MAP7: variants seen among roughly 807,000 people sequenced by gnomAD.
The protein encoded by MAP7 is microtubule associated protein 7, also known as ensconsin.
Under a neutral mutation model 94.8 loss-of-function variants are expected in MAP7, and 52 were observed. The ratio of observed to expected loss-of-function variants is 0.55; its 90% CI spans 0.44 to 0.69. The LOEUF is 0.69. Ranked by LOEUF, MAP7 falls within the 30% of genes least tolerant of loss-of-function variation. The probability of loss-of-function intolerance (pLI) is 0.00; values close to 1 mark genes in which losing one functional copy is unlikely to be tolerated. For synonymous variants in MAP7, 350 were observed against 357.0 expected (o/e 0.98, Z 0.22); for missense variants, 940 against 964.6 (o/e 0.97, Z 0.34).
intron 1 of MAP7, among the ~76,000 whole-genome samples, chr6:136,444,179 G>A (rs1218105807): frequency 3.9e-5 from 6 of 152,240 alleles, no homozygotes; most frequent in Non-Finnish European, 7.4e-5. Flanking sequence ...AATGAGCTTC[G>A]GAGCCATGGA....
chr6:136,378,293 C>T (rs1288467614), intron 6 of MAP7, among the ~76,000 whole-genome samples: 3 of 151,974 alleles, frequency 2.0e-5, no homozygotes, highest in Admixed American at 6.6e-5. Context: ...AATAATAAAC[C>T]CCAATAGAGG....
In MAP7 at chr6:136,544,888, A is replaced by G. The variant is rs58104898; in HGVS notation, c.67+5454T>C. On this transcript the variant is annotated intron_variant, in intron 1 of 17. Transcript: ENST00000354570. Reference sequence around the variant, plus strand: ...GCCGGGAGGATCACTTGAGCCCAGGAGTTCAAGTCCAGCCCAGGCAACATA... The same window carrying G: ...GCCGGGAGGATCACTTGAGCCCAGGGGTTCAAGTCCAGCCCAGGCAACATA... 0.012 allele frequency among the ~76,000 whole-genome samples: 1,812 copies of G among 152,264 alleles called. 85 individuals carry two copies. The East Asian group carries it at 0.14, about 11-fold the overall frequency.
intron 1 of MAP7, among the ~76,000 whole-genome samples, chr6:136,443,449 C>CTTT (rs149514831): frequency 1.2e-4 from 12 of 99,940 alleles, no homozygotes; most frequent in African/African-American, 3.3e-4. Flanking sequence ...TCCCCTTCTA[C>CTTT]TTTTTTTTTT....
intron 1 of MAP7, among the ~76,000 whole-genome samples, chr6:136,537,141 CTTTCT>C (rs1352366165): frequency 2.7e-5 from 4 of 148,904 alleles, no homozygotes; most frequent in Admixed American, 6.7e-5. Context: ...GAAACTTTCT[CTTTCT>C]TTTTTTTTTT....
chr6:136,459,284 C>A (rs563295820), intron 1 of MAP7, among the ~76,000 whole-genome samples: 5 of 152,182 alleles, frequency 3.3e-5, no homozygotes, highest in Non-Finnish European at 5.9e-5. Flanking sequence ...TATGGAGGAA[C>A]TGGTACCCTT....
chr6:136,431,851 C>T (rs1455621319), intron 1 of MAP7, among the ~76,000 whole-genome samples: 1 of 152,136 alleles, frequency 6.6e-6, no homozygotes, highest in Non-Finnish European at 1.5e-5. Flanking sequence ...CCCTCATTGG[C>T]CACTGGACAC....
In MAP7 at chr6:136,544,226, C is replaced by T. The variant is rs574857977; in HGVS notation, c.67+6116G>A. On this transcript the variant is annotated intron_variant, in intron 1 of 17. Coordinates refer to ENST00000354570, the MANE Select transcript of MAP7 (RefSeq NM_003980.6). ...CATGAGCCACCGCACCTGGACTGTA[C>T]GCAAATTTTAGAATAGATTTTTTAA... 9.2e-4 allele frequency among the ~76,000 whole-genome samples: 140 copies of T among 152,254 alleles called. 1 individual carries two copies. The highest frequency in any genetic ancestry group is 3.4e-3 in the Middle Eastern group (1 of 294).
At position 136,388,603 on chromosome 6, in the gene MAP7, C is replaced by CA. The variant is rs1582759499; in HGVS notation, c.409-94dup. Reference sequence around the variant, plus strand: ...CAGAATGGAGTGAGGAGTACTACTTCAATTCCCACTCTACTATTCTTGATC... The same window carrying CA: ...CAGAATGGAGTGAGGAGTACTACTTCAAATTCCCACTCTACTATTCTTGATC... On this transcript the variant is annotated intron_variant, in intron 4 of 17. Transcript: ENST00000354570. The CA allele has an allele frequency of 3.5e-5, 32 of 910,468 alleles. No homozygotes were observed. The East Asian group carries it at 7.6e-4, about 22-fold the overall frequency. The allele number at this position is 910,468 out of a possible 1,614,324, so 56.4% of individuals were successfully genotyped here. A position where few individuals can be genotyped will look rare whatever the true frequency, so the allele number is the denominator to read the frequency against.
At chr6:136,379,547 G>A (rs1777159776) in intron 6 of MAP7, among the ~76,000 whole-genome samples, 1 of 152,086 alleles carries the variant, frequency 6.6e-6, no homozygotes, top group African/African-American at 2.4e-5. Flanking sequence ...ACATGTACAG[G>A]GTAAAATCAG....
chr6:136,401,460 GA>G (rs1784057679), intron 3 of MAP7, among the ~76,000 whole-genome samples: 1 of 152,182 alleles, frequency 6.6e-6, no homozygotes, highest in Non-Finnish European at 1.5e-5. Flanking sequence ...CATAAAAAAG[GA>G]TGAGTTCTTG....
At chr6:136,515,037 G>T (rs982591917) in intron 1 of MAP7, among the ~76,000 whole-genome samples, 6 of 152,220 alleles carry the variant, frequency 3.9e-5, no homozygotes, top group African/African-American at 1.4e-4. Context: ...CTGTTGTTTA[G>T]TGAACTCACC....
intron 1 of MAP7, among the ~76,000 whole-genome samples, chr6:136,491,284 G>C (rs1816516675): frequency 6.6e-6 from 1 of 152,188 alleles, no homozygotes; most frequent in African/African-American, 2.4e-5. Context: ...AAATGGACAA[G>C]TAGGGCAATT....
intron 6 of MAP7, among the ~76,000 whole-genome samples, chr6:136,381,502 T>C (rs1582737585): frequency 6.6e-6 from 1 of 152,134 alleles, no homozygotes; most frequent in Non-Finnish European, 1.5e-5. Flanking sequence ...ATTAGAGAAA[T>C]TTAAATTCAG....
chr6:136,466,615 A>AT, intron 1 of MAP7: 2 of 652,532 alleles, frequency 3.1e-6, no homozygotes, highest in Non-Finnish European at 4.8e-6. Context: ...TAAAACAATG[A>AT]TTAAAAAAAA....
intron 3 of MAP7, among the ~76,000 whole-genome samples, chr6:136,407,113 A>G (rs942246122): frequency 6.6e-6 from 1 of 152,234 alleles, no homozygotes; most frequent in African/African-American, 2.4e-5. Context: ...GTTAGTGCTC[A>G]ATAAATACTG....
intron 9 of MAP7, 103 bp from the exon 10 acceptor site, chr6:136,366,121 C>T (rs527695454): frequency 2.1e-5 from 26 of 1,257,688 alleles, no homozygotes; most frequent in African/African-American, 9.0e-5. Context: ...TATTTAGCTC[C>T]GTGTATTTGT....
chr6:136,485,740 T>C, intron 1 of MAP7, among the ~76,000 whole-genome samples: 1 of 151,716 alleles, frequency 6.6e-6, no homozygotes, highest in Non-Finnish European at 1.5e-5. Context: ...TTTTTTGTAT[T>C]TTTAGTAGAG....
chr6:136,532,727 G>A (rs941613594), intron 1 of MAP7, among the ~76,000 whole-genome samples: 5 of 152,092 alleles, frequency 3.3e-5, no homozygotes, highest in African/African-American at 1.2e-4. Flanking sequence ...CACTCAGGCA[G>A]AGGGAAAAAG....
chr6:136,442,743 C>T (rs140503470), intron 1 of MAP7, among the ~76,000 whole-genome samples: 2 of 152,282 alleles, frequency 1.3e-5, no homozygotes, highest in Non-Finnish European at 2.9e-5. Context: ...GTTCTGGGTT[C>T]CCTAAACTAA....
Sources: gnomAD v4.1 joint callset for allele counts (sites outside exome capture counted in the v4.1 genomes callset) on GRCh38, gnomAD v4.1.1 for gene constraint, MANE v1.5 for transcripts, NCBI Gene and HGNC (gene_info 2026-07-23, HGNC 2026-07-21) for gene names.